Variants in ADAM23 observed in about 807,000 individuals in gnomAD.
ADAM23 encodes the protein ADAM metallopeptidase domain 23, also known as disintegrin and metalloproteinase domain-containing protein 23.
Under a neutral mutation model 120.1 loss-of-function variants are expected in ADAM23, and 33 were observed. The observed-to-expected ratio is 0.27, with a 90% CI of 0.21 to 0.37. The LOEUF (loss-of-function observed/expected upper bound fraction) is 0.37. Among genes scored for constraint, ADAM23 ranks in the 10% least tolerant of loss-of-function variants. The probability of loss-of-function intolerance (pLI) is 1.00; values close to 1 mark genes in which losing one functional copy is unlikely to be tolerated. For synonymous variants in ADAM23, 367 were observed against 375.2 expected (o/e 0.98, Z 0.25); for missense variants, 862 against 1,058.2 (o/e 0.81, Z 2.57).
rs1188421287 is a variant in ADAM23 at position 206,619,689 on chromosome 2, G to A, written c.*2062G>A. 2.0e-5 allele frequency: 3 copies of A among 152,114 alleles called. No homozygotes were observed. Among genetic ancestry groups the A allele is most frequent in the Non-Finnish European group, 4.4e-5 (3 of 68,040 alleles). 9.4% of individuals were successfully genotyped at this position (152,114 alleles called of 1,614,324 possible). ...AAAAATGCACTGCTTAACACAGTGG[G>A]GTTTTTTTCCCCCGAGGTGTCTTTA... On this transcript the variant is annotated 3_prime_UTR_variant, in exon 26 of 26. Coordinates refer to ENST00000264377, the MANE Select transcript of ADAM23 (RefSeq NM_003812.4).
chr2:206,589,057 C>T (rs900942939), intron 20 of ADAM23, among the ~76,000 whole-genome samples: 1 of 152,214 alleles, frequency 6.6e-6, no homozygotes, highest in Non-Finnish European at 1.5e-5. Context: ...TCAGTCACTT[C>T]ACCAATTCCT....
intron 21 of ADAM23, among the ~76,000 whole-genome samples, chr2:206,592,127 C>G (rs554897843): frequency 6.6e-6 from 1 of 152,282 alleles, no homozygotes; most frequent in South Asian, 2.1e-4. Context: ...TGTCCTTATG[C>G]TTTGTGAACT....
At chr2:206,464,983 C>T (rs148694124) in intron 2 of ADAM23, among the ~76,000 whole-genome samples, 1 of 152,158 alleles carries the variant, frequency 6.6e-6, no homozygotes, top group African/African-American at 2.4e-5. Flanking sequence ...TCCTACATTG[C>T]ATCTAGTTGC....
chr2:206,571,684 C>G (rs1698003416), intron 16 of ADAM23, 43 bp from the exon 17 acceptor site: 1 of 1,426,400 alleles, frequency 7.0e-7, no homozygotes. Flanking sequence ...GAATGACCAG[C>G]AGGTAAGGCT....
intron 3 of ADAM23, among the ~76,000 whole-genome samples, chr2:206,488,742 A>G (rs1193118554): frequency 6.6e-6 from 1 of 152,106 alleles, no homozygotes. Context: ...CAGTGTGTGG[A>G]AGTGAATGCC....
intron 3 of ADAM23, among the ~76,000 whole-genome samples, chr2:206,487,921 G>A (rs1696050822): frequency 6.6e-6 from 1 of 152,214 alleles, no homozygotes; most frequent in Non-Finnish European, 1.5e-5. Flanking sequence ...AAACTGAGGA[G>A]TAGACCCAAA....
chr2:206,580,777 G>C (rs1460987547), intron 18 of ADAM23, among the ~76,000 whole-genome samples: 3 of 152,078 alleles, frequency 2.0e-5, no homozygotes, highest in Non-Finnish European at 2.9e-5. Flanking sequence ...TTGTGGAATA[G>C]TGTCATAAGG....
At position 206,514,024 on chromosome 2, in the gene ADAM23, A is replaced by G. The variant is rs143544273; in HGVS notation, c.510-16861A>G. The stretch of plus-strand genomic sequence containing the variant: ...TTTAAAATATTACTGCTCATTGACA[A>G]TGCACCTGGCCACCAAAGAGTGCTG... On this transcript the variant is annotated intron_variant, in intron 3 of 25. Coordinates refer to ENST00000264377, the MANE Select transcript of ADAM23 (RefSeq NM_003812.4). Among the ~76,000 whole-genome samples the G allele has an allele frequency of 2.6e-3, 392 of 152,314 alleles. 1 individual carries two copies. The highest frequency in any genetic ancestry group is 8.5e-3 in the African/African-American group (352 of 41,564).
rs1224105767 is a variant in ADAM23, at chr2:206,610,020, T to C, written c.2450+20T>C. 2 of 1,536,092 alleles carry C rather than the reference T, an allele frequency of 1.3e-6. No individual in the cohort carries two copies. Among genetic ancestry groups the C allele is most frequent in the Non-Finnish European group, 8.7e-7 (1 of 1,150,670 alleles). On this transcript the variant is annotated intron_variant, in intron 25 of 25. Transcript: ENST00000264377. Reference sequence around the variant, plus strand: ...ATTTAAGTAAGCAACGCCGCATGTCTTCTTCTCAGTGGCTCTGGCATTTCT... The same window carrying C: ...ATTTAAGTAAGCAACGCCGCATGTCCTCTTCTCAGTGGCTCTGGCATTTCT...
At chr2:206,553,385 A>G (rs907833152) in intron 9 of ADAM23, among the ~76,000 whole-genome samples, 4 of 152,236 alleles carry the variant, frequency 2.6e-5, no homozygotes, top group Admixed American at 1.3e-4. Context: ...GCACTGAGCC[A>G]AGATTGCACC....
intron 3 of ADAM23, among the ~76,000 whole-genome samples, chr2:206,526,537 C>T (rs1696951796): frequency 6.6e-6 from 1 of 152,154 alleles, no homozygotes; most frequent in Non-Finnish European, 1.5e-5. Flanking sequence ...CCATCTGGAG[C>T]ATGTGGCTTC....
chr2:206,527,752 A>T (rs1028654237), intron 3 of ADAM23, among the ~76,000 whole-genome samples: 5 of 152,178 alleles, frequency 3.3e-5, no homozygotes, highest in Non-Finnish European at 7.3e-5. Context: ...TGGAATAATT[A>T]GTTTCAAGGG....
chr2:206,493,891 G>T (rs890892208), intron 3 of ADAM23, among the ~76,000 whole-genome samples: 1 of 152,118 alleles, frequency 6.6e-6, no homozygotes, highest in Non-Finnish European at 1.5e-5. Flanking sequence ...TGACCAGAAG[G>T]ATCTCACAGC....
At chr2:206,586,523 A>G (rs1698325334) in intron 18 of ADAM23, among the ~76,000 whole-genome samples, 1 of 152,132 alleles carries the variant, frequency 6.6e-6, no homozygotes, top group Admixed American at 6.6e-5. Context: ...GAAGGATGGA[A>G]CATCATTTAC....
chr2:206,562,425 AT>A, intron 13 of ADAM23, 132 bp downstream of exon 13: 1 of 642,774 alleles, frequency 1.6e-6, no homozygotes, highest in Non-Finnish European at 2.5e-6. Flanking sequence ...CCTCTAAAAT[AT>A]TTAGAAAATA....
At position 206,529,591 on chromosome 2, in the gene ADAM23, G is replaced by T. The variant is rs543168882; in HGVS notation, c.510-1294G>T. 3.3e-5 allele frequency among the ~76,000 whole-genome samples: 5 copies of T among 152,040 alleles called. No homozygotes were observed. The South Asian group carries it at 6.2e-4, about 19-fold the overall frequency. On this transcript the variant is annotated intron_variant, in intron 3 of 25. Transcript: ENST00000264377. ...TGTTTTAAATATTTTGGAAATGGGG[G>T]TCTTGCTATGTTGCCAGGCTGGTTC...
At chr2:206,604,004 T>C (rs1188374348) in intron 24 of ADAM23, among the ~76,000 whole-genome samples, 1 of 150,402 alleles carries the variant, frequency 6.6e-6, no homozygotes, top group African/African-American at 2.4e-5. Flanking sequence ...GGTGGCCTCA[T>C]GCCTGTAATC....
chr2:206,530,669 C>CTTTTT (rs56206262), intron 3 of ADAM23, among the ~76,000 whole-genome samples: 654 of 74,712 alleles, frequency 8.8e-3, no homozygotes, highest in Middle Eastern at 0.014. Flanking sequence ...TGTGTCTTGT[C>CTTTTT]TTTTTTTTTT....
At chr2:206,545,901 A>G (rs974866554) in intron 6 of ADAM23, among the ~76,000 whole-genome samples, 2 of 152,250 alleles carry the variant, frequency 1.3e-5, no homozygotes, top group Non-Finnish European at 2.9e-5. Context: ...AGATTCCCAA[A>G]TAATAACTAT....
Sources: gnomAD v4.1 joint callset for allele counts (sites outside exome capture counted in the v4.1 genomes callset) on GRCh38, gnomAD v4.1.1 for gene constraint, MANE v1.5 for transcripts, NCBI Gene and HGNC (gene_info 2026-07-23, HGNC 2026-07-21) for gene names.